NKAIN2: variants seen among roughly 807,000 people sequenced by gnomAD.
NKAIN2 encodes sodium/potassium-transporting ATPase subunit beta-1-interacting protein 2.
Under a neutral mutation model 32.6 loss-of-function variants are expected in NKAIN2, and 14 were observed. The observed-to-expected ratio is 0.43, with a 90% CI of 0.28 to 0.67. The LOEUF is 0.67. NKAIN2 is among the 30% of genes least tolerant of loss of function. NKAIN2 has a pLI of 0.17. For missense variants in NKAIN2, 198 were observed against 258.3 expected, an observed-to-expected ratio of 0.77 and a Z score of 1.60; for synonymous variants, 80 against 87.2, an observed-to-expected ratio of 0.92 and a Z score of 0.46.
intron 3 of NKAIN2, among the ~76,000 whole-genome samples, chr6:124,509,419 G>A (rs1157428302): frequency 6.6e-6 from 1 of 152,184 alleles, no homozygotes; most frequent in Non-Finnish European, 1.5e-5. Flanking sequence ...ACTCGGTTTT[G>A]TTCTTCTATC....
At chr6:123,818,036 C>T (rs141684102) in intron 1 of NKAIN2, among the ~76,000 whole-genome samples, 1 of 152,038 alleles carries the variant, frequency 6.6e-6, no homozygotes, top group Non-Finnish European at 1.5e-5. Context: ...TCTTTTAGTG[C>T]CAGTAAAAAC....
At chr6:124,185,779 C>T (rs1457445205) in intron 1 of NKAIN2, among the ~76,000 whole-genome samples, 1 of 151,988 alleles carries the variant, frequency 6.6e-6, no homozygotes, top group Non-Finnish European at 1.5e-5. Context: ...TATTGACTCT[C>T]CTTTTTGGAA....
chr6:124,302,384 A>T (rs1405880177), intron 2 of NKAIN2, among the ~76,000 whole-genome samples: 2 of 152,264 alleles, frequency 1.3e-5, no homozygotes, highest in Non-Finnish European at 2.9e-5. Flanking sequence ...ACAAGTATTG[A>T]AAGTTTTCCT....
At chr6:124,047,200 G>T (rs949868577) in intron 1 of NKAIN2, among the ~76,000 whole-genome samples, 1 of 151,954 alleles carries the variant, frequency 6.6e-6, no homozygotes, top group African/African-American at 2.4e-5. Context: ...CTTTGGGTTT[G>T]CCATATGACA....
Position 124,812,214 on chromosome 6 carries a change from C to T in NKAIN2, c.536-6173C>T, listed in dbSNP as rs368443300. Among the ~76,000 whole-genome samples, 219 of 152,236 alleles carry T rather than the reference C, an allele frequency of 1.4e-3. 1 individual carries two copies. The highest frequency in any genetic ancestry group is 5.2e-3 in the African/African-American group (214 of 41,548). The stretch of plus-strand genomic sequence containing the variant: ...AGTTTCTTTTGTGTATCTCACAGCA[C>T]CCAGACAACAACTCTGTAGATTGTC... On this transcript the variant is annotated intron_variant, in intron 5 of 6. Transcript: ENST00000368417.
intron 3 of NKAIN2, among the ~76,000 whole-genome samples, chr6:124,455,158 C>T (rs541123913): frequency 2.0e-5 from 3 of 152,074 alleles, no homozygotes; most frequent in Non-Finnish European, 4.4e-5. Flanking sequence ...CATGTGCATA[C>T]AATATTCAGG....
chr6:124,533,720 G>A (rs1384919352), intron 3 of NKAIN2, among the ~76,000 whole-genome samples: 1 of 152,100 alleles, frequency 6.6e-6, no homozygotes, highest in Non-Finnish European at 1.5e-5. Flanking sequence ...GGTTGTCTAG[G>A]TATGCTTAGG....
rs181898572 is a variant in NKAIN2, at chr6:124,223,869, A to G, written c.55-59136A>G. On this transcript the variant is annotated intron_variant, in intron 1 of 6. Transcript: ENST00000368417. ...AGACAATGAAAATATAGAGATCTGC[A>G]TAGTAATACAAAATGAGAGAATTTA... Among the ~76,000 whole-genome samples, 407 of 152,344 alleles carry G rather than the reference A, an allele frequency of 2.7e-3. 2 individuals are homozygous for G. Among genetic ancestry groups the G allele is most frequent in the African/African-American group, 9.5e-3 (395 of 41,578 alleles).
chr6:124,815,104 G>A lies in NKAIN2; in HGVS notation c.536-3283G>A, dbSNP rs139139243. Among the ~76,000 whole-genome samples, 480 of 151,142 alleles carry A rather than the reference G, an allele frequency of 3.2e-3. 4 individuals are homozygous for A. Among genetic ancestry groups the A allele is most frequent in the African/African-American group, 0.011 (462 of 41,196 alleles). On this transcript the variant is annotated intron_variant, in intron 5 of 6. Coordinates refer to ENST00000368417, the MANE Select transcript of NKAIN2 (RefSeq NM_001040214.3). Reference sequence around the variant, plus strand: ...GCTCAGAGCAGTGAAGCTCTAACTCGGTAAATACCTCTTAGAAAACTAGTC... The same window carrying A: ...GCTCAGAGCAGTGAAGCTCTAACTCAGTAAATACCTCTTAGAAAACTAGTC...
chr6:124,153,450 C>T (rs802252), intron 1 of NKAIN2, among the ~76,000 whole-genome samples: 120,540 of 151,622 alleles, frequency 0.8, 49,144 homozygotes, highest in South Asian at 0.9. Flanking sequence ...TTATAGATAA[C>T]TTGAGGGATA....
rs187820201 is a variant in NKAIN2, at chr6:124,461,810, C to T, written c.273+106463C>T. On this transcript the variant is annotated intron_variant, in intron 3 of 6. Transcript: ENST00000368417. Reference sequence around the variant, plus strand: ...ATGGCTTCTAAGGTTTTATAGATAACTCCTTGTTAACCTCAATCATTTGAC... The same window carrying T: ...ATGGCTTCTAAGGTTTTATAGATAATTCCTTGTTAACCTCAATCATTTGAC... 2.8e-3 allele frequency among the ~76,000 whole-genome samples: 431 copies of T among 151,792 alleles called. 4 individuals carry two copies. The highest frequency in any genetic ancestry group is 0.01 in the African/African-American group (425 of 41,488).
rs182732145 is a variant in NKAIN2, at chr6:124,018,148, C to G, written c.54+213894C>G. 5.6e-3 allele frequency among the ~76,000 whole-genome samples: 846 copies of G among 152,292 alleles called. 7 individuals carry two copies. Among genetic ancestry groups the G allele is most frequent in the African/African-American group, 0.02 (817 of 41,566 alleles). The stretch of plus-strand genomic sequence containing the variant: ...TGGAAGCTGTCAAAGCTTGGGGCTT[C>G]CAGCCTCTGAAGCCACTGCCTGAGC... On this transcript the variant is annotated intron_variant, in intron 1 of 6. Transcript: ENST00000368417.
At chr6:124,031,690 G>A (rs1781412673) in intron 1 of NKAIN2, among the ~76,000 whole-genome samples, 1 of 152,132 alleles carries the variant, frequency 6.6e-6, no homozygotes, top group Non-Finnish European at 1.5e-5. Context: ...TCAGGAGCAG[G>A]TTGTTCAGTT....
chr6:124,612,431 T>C (rs1270610901), intron 3 of NKAIN2, among the ~76,000 whole-genome samples: 1 of 152,172 alleles, frequency 6.6e-6, no homozygotes, highest in Non-Finnish European at 1.5e-5. Context: ...CATTGCACTA[T>C]GGTAGAAGTA....
At position 124,438,298 on chromosome 6, in the gene NKAIN2, T is replaced by C. The variant is rs183222777; in HGVS notation, c.273+82951T>C. 2.6e-3 allele frequency among the ~76,000 whole-genome samples: 390 copies of C among 152,242 alleles called. 3 individuals are homozygous for C. Among genetic ancestry groups the C allele is most frequent in the African/African-American group, 9.2e-3 (381 of 41,542 alleles). On this transcript the variant is annotated intron_variant, in intron 3 of 6. Coordinates refer to ENST00000368417, the MANE Select transcript of NKAIN2 (RefSeq NM_001040214.3). ...TCCAAACACTTCACCTTATAAACAC[T>C]ACACCCACTCAGTTTTAGAAAAGAG...
At chr6:123,896,072 G>A (rs565298636) in intron 1 of NKAIN2, among the ~76,000 whole-genome samples, 34 of 152,250 alleles carry the variant, frequency 2.2e-4, no homozygotes, top group African/African-American at 7.9e-4. Flanking sequence ...TCTCAGACAC[G>A]TAACATTAAC....
chr6:123,965,275 T>C (rs1778020656), intron 1 of NKAIN2, among the ~76,000 whole-genome samples: 1 of 152,160 alleles, frequency 6.6e-6, no homozygotes, highest in Non-Finnish European at 1.5e-5. Context: ...ATTTACTTAT[T>C]AAAAAATAGA....
At chr6:124,094,410 A>C (rs185822713) in intron 1 of NKAIN2, among the ~76,000 whole-genome samples, 1 of 152,252 alleles carries the variant, frequency 6.6e-6, no homozygotes, top group East Asian at 1.9e-4. Context: ...ACTATTTCTC[A>C]GTTGTTTCTT....
At chr6:124,625,086 A>T (rs944325585) in intron 3 of NKAIN2, among the ~76,000 whole-genome samples, 1 of 151,238 alleles carries the variant, frequency 6.6e-6, no homozygotes, top group Non-Finnish European at 1.5e-5. Context: ...ATTTTCTTGA[A>T]CATCCTCCTC....
Sources: gnomAD v4.1 joint callset for allele counts (sites outside exome capture counted in the v4.1 genomes callset) on GRCh38, gnomAD v4.1.1 for gene constraint, MANE v1.5 for transcripts, NCBI Gene and HGNC (gene_info 2026-07-23, HGNC 2026-07-21) for gene names.